Variants in PITPNC1 observed in about 807,000 individuals in gnomAD.
PITPNC1 encodes the protein phosphatidylinositol transfer protein cytoplasmic 1, also known as cytoplasmic phosphatidylinositol transfer protein 1.
PITPNC1 carries 18 observed loss-of-function variants against 44.7 expected under a neutral mutation model. That is an observed-to-expected ratio of 0.40 (90% confidence interval 0.28 to 0.60). PITPNC1 has a LOEUF of 0.60. PITPNC1 is among the 20% of genes least tolerant of loss of function. The pLI, the probability that PITPNC1 is intolerant of heterozygous loss-of-function variation, is 0.39. For missense variants in PITPNC1, 290 were observed against 418.4 expected (o/e 0.69, Z 2.68); for synonymous variants, 141 against 149.6 (o/e 0.94, Z 0.42).
chr17:67,653,995 C>T (rs919226430), intron 6 of PITPNC1, among the ~76,000 whole-genome samples: 3 of 152,150 alleles, frequency 2.0e-5, no homozygotes, highest in African/African-American at 7.2e-5. Flanking sequence ...AAGGAGGGCC[C>T]CCTGCTTGGC....
At position 67,413,307 on chromosome 17, in the gene PITPNC1, C is replaced by T. The variant is rs193232970; in HGVS notation, c.48+35105C>T. Among the ~76,000 whole-genome samples, 264 of 152,170 alleles carry T rather than the reference C, an allele frequency of 1.7e-3. 2 individuals are homozygous for T. The highest frequency in any genetic ancestry group is 5.9e-3 in the African/African-American group (245 of 41,490). On this transcript the variant is annotated intron_variant, in intron 1 of 8. Coordinates refer to ENST00000581322, the MANE Select transcript of PITPNC1 (RefSeq NM_012417.4). The stretch of plus-strand genomic sequence containing the variant: ...AAACTTAAACCTTCTTTAAATAAAG[C>T]CCCCAAGTTTGACCCATTAGCTCAG...
chr17:67,609,273 T>G (rs2041655699), intron 5 of PITPNC1, among the ~76,000 whole-genome samples: 1 of 147,164 alleles, frequency 6.8e-6, no homozygotes. Context: ...GTTGGTCATG[T>G]TCTTCTTCTT....
chr17:67,552,398 A>G (rs2040778614), intron 3 of PITPNC1, 53 bp downstream of exon 3: 1 of 920,118 alleles, frequency 1.1e-6, no homozygotes, highest in Middle Eastern at 2.1e-4. Flanking sequence ...AGGACATAGC[A>G]TAGTTGAATT....
intron 1 of PITPNC1, among the ~76,000 whole-genome samples, chr17:67,463,126 A>G (rs1261757644): frequency 6.6e-6 from 1 of 152,268 alleles, no homozygotes. Flanking sequence ...ATAATTATAT[A>G]CTGATGAGAT....
At chr17:67,484,152 A>G (rs2039743406) in intron 1 of PITPNC1, among the ~76,000 whole-genome samples, 1 of 152,096 alleles carries the variant, frequency 6.6e-6, no homozygotes, top group African/African-American at 2.4e-5. Flanking sequence ...TCCCCACCTC[A>G]GATGATCCGC....
intron 5 of PITPNC1, among the ~76,000 whole-genome samples, chr17:67,608,203 T>C (rs2642029): frequency 0.94 from 139,623 of 148,482 alleles, 65,561 homozygotes; most frequent in South Asian, 0.98. Context: ...CAATAGCAAA[T>C]AAAAACTTTA....
intron 5 of PITPNC1, among the ~76,000 whole-genome samples, chr17:67,595,943 G>C (rs1184698811): frequency 6.6e-6 from 1 of 152,146 alleles, no homozygotes; most frequent in Non-Finnish European, 1.5e-5. Flanking sequence ...ATGCCGATCA[G>C]ATGATAATAA....
chr17:67,622,914 C>A (rs1243737945), intron 5 of PITPNC1, among the ~76,000 whole-genome samples: 1 of 151,766 alleles, frequency 6.6e-6, no homozygotes, highest in African/African-American at 2.4e-5. Flanking sequence ...CAACACTAGA[C>A]CCATATGCTT....
chr17:67,410,213 A>T (rs1289711967), intron 1 of PITPNC1, among the ~76,000 whole-genome samples: 1 of 152,248 alleles, frequency 6.6e-6, no homozygotes, highest in Non-Finnish European at 1.5e-5. Flanking sequence ...CTAATATTTT[A>T]TTAGCAAGAA....
At chr17:67,503,546 T>C (rs1316621059) in intron 1 of PITPNC1, among the ~76,000 whole-genome samples, 1 of 152,168 alleles carries the variant, frequency 6.6e-6, no homozygotes, top group Non-Finnish European at 1.5e-5. Flanking sequence ...AACTTACCCT[T>C]TGTTTCTTGA....
At chr17:67,688,646 C>T (rs187629685) in intron 8 of PITPNC1, among the ~76,000 whole-genome samples, 572 of 152,192 alleles carry the variant, frequency 3.8e-3, no homozygotes, top group Middle Eastern at 6.8e-3. Context: ...AGGACTTCCC[C>T]CTAGAAGTGC....
At chr17:67,564,443 A>G (rs1182219495) in intron 4 of PITPNC1, among the ~76,000 whole-genome samples, 1 of 152,114 alleles carries the variant, frequency 6.6e-6, no homozygotes, top group Non-Finnish European at 1.5e-5. Context: ...ATAGATCCAT[A>G]CATTTGCCTT....
chr17:67,411,185 C>T (rs1020689868), intron 1 of PITPNC1, among the ~76,000 whole-genome samples: 5 of 151,842 alleles, frequency 3.3e-5, no homozygotes, highest in Admixed American at 2.0e-4. Flanking sequence ...AGTGGTTATG[C>T]TAAGACAGAA....
chr17:67,657,094 G>T (rs1163174141), intron 6 of PITPNC1, among the ~76,000 whole-genome samples: 1 of 152,148 alleles, frequency 6.6e-6, no homozygotes, highest in Non-Finnish European at 1.5e-5. Context: ...AGAGAAGTTT[G>T]CAGCAACTGG....
At chr17:67,407,821 A>C (rs1447224029) in intron 1 of PITPNC1, among the ~76,000 whole-genome samples, 1 of 152,140 alleles carries the variant, frequency 6.6e-6, no homozygotes, top group Non-Finnish European at 1.5e-5. Flanking sequence ...AACAAAAAAA[A>C]CTAAAATAAA....
At chr17:67,519,552 G>A (rs1293822564) in intron 1 of PITPNC1, among the ~76,000 whole-genome samples, 2 of 152,040 alleles carry the variant, frequency 1.3e-5, no homozygotes, top group African/African-American at 2.4e-5. Context: ...CTTCACTGAC[G>A]ACCTCAGGAG....
intron 1 of PITPNC1, among the ~76,000 whole-genome samples, chr17:67,427,976 ATTTAT>A (rs1265222843): frequency 1.3e-5 from 2 of 152,080 alleles, no homozygotes; most frequent in South Asian, 2.1e-4. Flanking sequence ...TCAGTCTTCT[ATTTAT>A]TTTATTATTT....
Position 67,464,591 on chromosome 17 carries a change from C to T in PITPNC1, c.49-68211C>T, listed in dbSNP as rs189202750. On this transcript the variant is annotated intron_variant, in intron 1 of 8. Coordinates refer to ENST00000581322, the MANE Select transcript of PITPNC1 (RefSeq NM_012417.4). ...CCCCGTAAAAATCTTTCAACACTGTCCTGAGTTCAACATCTGAAATACAGT... is the reference window on the plus strand; with the variant it reads ...CCCCGTAAAAATCTTTCAACACTGTTCTGAGTTCAACATCTGAAATACAGT... Among the ~76,000 whole-genome samples, 7 of 152,246 alleles carry T rather than the reference C, an allele frequency of 4.6e-5. No homozygotes were observed. The East Asian group carries it at 1.2e-3, about 25-fold the overall frequency.
intron 1 of PITPNC1, among the ~76,000 whole-genome samples, chr17:67,482,197 G>C (rs1368907365): frequency 1.3e-5 from 2 of 151,982 alleles, no homozygotes; most frequent in Non-Finnish European, 2.9e-5. Flanking sequence ...AAAATATCTT[G>C]GAAGAGCTAC....
Sources: allele counts gnomAD v4.1 joint callset (sites outside exome capture counted in the v4.1 genomes callset), GRCh38; gene constraint gnomAD v4.1.1; transcripts MANE v1.5; gene names NCBI Gene and HGNC (gene_info 2026-07-23, HGNC 2026-07-21).